MAP7D3: variants seen among roughly 807,000 people sequenced by gnomAD.
MAP7D3 encodes MAP7 domain containing 3.
MAP7D3 carries 45 observed loss-of-function variants against 62.2 expected under a neutral mutation model. The observed-to-expected ratio is 0.72, with a 90% CI of 0.57 to 0.93. The LOEUF is 0.93. Among genes scored for constraint, MAP7D3 ranks in the 40% least tolerant of loss-of-function variants. The pLI is 0.00. For missense variants in MAP7D3, 711 were observed against 683.1 expected (o/e 1.04, Z -0.45); for synonymous variants, 288 against 248.8 (o/e 1.16, Z -1.48).
At chrX:136,239,111 C>T (rs1443176029) in intron 6 of MAP7D3, among the ~76,000 whole-genome samples, 1 of 111,874 alleles carries the variant, frequency 8.9e-6, no homozygotes, top group Non-Finnish European at 1.9e-5. Flanking sequence ...CAAGAACATT[C>T]CTTTTTTTCC....
chrX:136,224,723 A>C, intron 14 of MAP7D3, 104 bp downstream of exon 14: 1 of 501,507 alleles, frequency 2.0e-6, no homozygotes, highest in Non-Finnish European at 3.3e-6. Context: ...ATGCAAATGT[A>C]ATACTTTATT....
rs2074509554 is a variant in MAP7D3 at position 136,251,382 on chromosome X, G to C, written c.-24C>G. The C allele has an allele frequency of 2.7e-6, 3 of 1,102,240 alleles. No individual in the cohort carries two copies. The highest frequency in any genetic ancestry group is 4.2e-5 in the South Asian group (2 of 47,861). The allele number at this position is 1,102,240 out of a possible 1,213,427, so 90.8% of individuals were successfully genotyped here. On this transcript the variant is annotated 5_prime_UTR_variant, in exon 1 of 19. Coordinates refer to ENST00000316077, the MANE Select transcript of MAP7D3 (RefSeq NM_024597.4). ...ATCGGAGTCGGGACCGGAGGCGGTG[G>C]TGGCTCTCCGCATACATTGCGCAGG...
At chrX:136,256,469 T>A in exon 1 of MAP7D3, 1 of 523,476 alleles carries the variant, frequency 1.9e-6, no homozygotes, top group Non-Finnish European at 2.9e-6. Flanking sequence ...GGCTGCTCTG[T>A]ACCATTTCCT....
intron 5 of MAP7D3, 33 bp downstream of exon 5, chrX:136,241,127 A>G (rs1166802823): frequency 2.4e-6 from 2 of 816,768 alleles, no homozygotes; most frequent in Admixed American, 4.8e-5. Context: ...AAGAACATAA[A>G]CAAACTTAAA....
At chrX:136,220,635 G>T in intron 16 of MAP7D3, 130 bp downstream of exon 16, 1 of 570,685 alleles carries the variant, frequency 1.8e-6, no homozygotes, top group Non-Finnish European at 2.9e-6. Context: ...GTTTATTTCC[G>T]TTAAGTCAAA....
rs745511513 is a variant in MAP7D3, at chrX:136,243,634, C to T, written c.417+998G>A. On this transcript the variant is annotated intron_variant, in intron 4 of 18. Transcript: ENST00000316077. ...AGGAGAATTGCTTGAACCGGGGGGG[C>T]AGAAGTTGCAGTGAGCCAAGATCAC... Among the ~76,000 whole-genome samples, 18 of 108,939 alleles carry T rather than the reference C, an allele frequency of 1.7e-4. No individual in the cohort carries two copies. The South Asian group carries it at 7.3e-3, about 44-fold the overall frequency. 94.6% of individuals were successfully genotyped at this position (108,939 alleles called of 115,157 possible).
At chrX:136,236,568 ACTAT>A (rs1182937434) in intron 6 of MAP7D3, among the ~76,000 whole-genome samples, 1 of 111,925 alleles carries the variant, frequency 8.9e-6, no homozygotes, top group Admixed American at 9.5e-5. Context: ...AATATCTGAC[ACTAT>A]CTGACATCAA....
In MAP7D3 at chrX:136,218,082, A is replaced by C. The variant is rs976731434; in HGVS notation, c.*444T>G. On this transcript the variant is annotated 3_prime_UTR_variant, in exon 19 of 19. Coordinates refer to ENST00000316077, the MANE Select transcript of MAP7D3 (RefSeq NM_024597.4). ...AAAAAAAAAAAAGAAAAAGAAAAAG[A>C]AAAAGCATTACTTTAAGATTTCAAA... The C allele has an allele frequency of 1.8e-5, 2 of 110,891 alleles. No homozygotes were observed. Among genetic ancestry groups the C allele is most frequent in the Non-Finnish European group, 3.8e-5 (2 of 52,866 alleles). 9.1% of individuals were successfully genotyped at this position (110,891 alleles called of 1,213,427 possible).
At chrX:136,243,551 A>G (rs927815063) in intron 4 of MAP7D3, among the ~76,000 whole-genome samples, 3 of 111,052 alleles carry the variant, frequency 2.7e-5, no homozygotes, top group Admixed American at 1.9e-4. Context: ...AAAAACACAA[A>G]AATTAGCCAG....
chrX:136,250,696 A>T (rs1366409819), intron 1 of MAP7D3, among the ~76,000 whole-genome samples: 1 of 111,985 alleles, frequency 8.9e-6, no homozygotes, highest in Non-Finnish European at 1.9e-5. Context: ...CTTGACCGGG[A>T]GGGTGCAGGA....
upstream of MAP7D3, among the ~76,000 whole-genome samples, chrX:136,254,321 G>A: frequency 9.0e-6 from 1 of 110,633 alleles, no homozygotes; most frequent in Non-Finnish European, 1.9e-5. Flanking sequence ...CTGAGGTCAA[G>A]TGATTCACCC....
In MAP7D3 at chrX:136,244,781, G is replaced by A; in HGVS notation, c.268C>T (p.Gln90Ter). 1 of 1,189,467 alleles carries A rather than the reference G, an allele frequency of 8.4e-7. No individual in the cohort carries two copies. The highest frequency in any genetic ancestry group is 1.1e-6 in the Non-Finnish European group (1 of 883,665). ...RRQQDANKET[Q>*]LLEKERKTKL... ...GTCTTTCTTTCTTTTTCAAGTAGTT[G>A]TGTTTCTTTATTGGCTGAAATATTC... The change falls in exon 4 of 19, where the codon CAA becomes TAA. Residue 90 changes from glutamine (Q) to a stop codon, truncating the protein, a stop_gained. Transcript: ENST00000316077. LOFTEE classifies it high-confidence loss of function.
At chrX:136,213,285 G>A (rs1271474789), downstream of MAP7D3, 1 of 111,569 alleles carries the variant, frequency 9.0e-6, no homozygotes, top group African/African-American at 3.3e-5. Flanking sequence ...TAAGGCTCAG[G>A]AGAAATGAGG....
intron 16 of MAP7D3, 126 bp from the exon 17 acceptor site, chrX:136,219,797 A>G (rs1207557304): frequency 1.0e-5 from 6 of 587,461 alleles, no homozygotes; most frequent in African/African-American, 2.2e-5. Flanking sequence ...TCAGAATCAT[A>G]GAACAGGATG....
At chrX:136,220,680 C>G in intron 16 of MAP7D3, 85 bp downstream of exon 16, 1 of 800,671 alleles carries the variant, frequency 1.2e-6, no homozygotes, top group Non-Finnish European at 1.9e-6. Context: ...ACTAAGAGCA[C>G]AAGAGATCAT....
chrX:136,231,872 G>A lies in MAP7D3; in HGVS notation c.1085C>T (p.Pro362Leu). 1 of 1,211,642 alleles carries A rather than the reference G, an allele frequency of 8.3e-7. No individual in the cohort carries two copies. Among genetic ancestry groups the A allele is most frequent in the African/African-American group, 1.7e-5 (1 of 57,786 alleles). ...CGGGAGTGCTTCTATGCTCAACTCG[G>A]GGGATGCGTCCATGCTCATCTCAGA... ...YDSEMSMDASPELSIEALPKV... is the reference protein window; with the variant it reads ...YDSEMSMDASLELSIEALPKV... The change falls in exon 8 of 19, where the codon CCC (proline) becomes CTC (leucine). Residue 362 changes from proline (P) to leucine (L), a missense_variant. By Grantham distance (98) the Pro-to-Leu change is moderately conservative. Coordinates refer to ENST00000316077, the MANE Select transcript of MAP7D3 (RefSeq NM_024597.4).
At chrX:136,241,438 C>T (rs559132130) in intron 4 of MAP7D3, among the ~76,000 whole-genome samples, 161 bp from the exon 5 acceptor site, 12 of 111,627 alleles carry the variant, frequency 1.1e-4, no homozygotes, top group African/African-American at 3.6e-4. Flanking sequence ...AGTGCTTCTC[C>T]TAAATAACTC....
intron 3 of MAP7D3, among the ~76,000 whole-genome samples, chrX:136,245,608 G>T (rs758967730): frequency 9.1e-6 from 1 of 110,446 alleles, no homozygotes; most frequent in Admixed American, 9.7e-5. Flanking sequence ...TTAGCCGGGT[G>T]TGGTGGCGGG....
intron 10 of MAP7D3, among the ~76,000 whole-genome samples, chrX:136,229,790 T>G (rs2074239852): frequency 9.4e-6 from 1 of 105,990 alleles, no homozygotes; most frequent in African/African-American, 3.4e-5. Context: ...AGCCTCCACC[T>G]CCTGGTCTCA....
Sources: gnomAD v4.1 joint callset for allele counts (sites outside exome capture counted in the v4.1 genomes callset) on GRCh38, gnomAD v4.1.1 for gene constraint, MANE v1.5 for transcripts, NCBI Gene and HGNC (gene_info 2026-07-23, HGNC 2026-07-21) for gene names.